Variants in RORA observed in about 807,000 individuals in gnomAD.
The protein encoded by RORA is RAR related orphan receptor A, also known as nuclear receptor ROR-alpha.
RORA carries 7 observed loss-of-function variants against 69.5 expected under a neutral mutation model. The ratio of observed to expected loss-of-function variants is 0.10; its 90% CI spans 0.06 to 0.19. RORA has a LOEUF of 0.19. Among genes scored for constraint, RORA ranks in the 10% least tolerant of loss-of-function variants. The probability of loss-of-function intolerance (pLI) is 1.00; values close to 1 mark genes in which losing one functional copy is unlikely to be tolerated. For missense variants in RORA, 457 were observed against 663.0 expected, an observed-to-expected ratio of 0.69 and a Z score of 3.41; for synonymous variants, 261 against 240.8, an observed-to-expected ratio of 1.08 and a Z score of -0.78.
At chr15:60,580,939 A>C (rs2068174527) in intron 2 of RORA, among the ~76,000 whole-genome samples, 1 of 152,190 alleles carries the variant, frequency 6.6e-6, no homozygotes, top group African/African-American at 2.4e-5. Flanking sequence ...CAATCCTTAA[A>C]TACATGTTTT....
chr15:60,940,837 G>C (rs964903154), intron 1 of RORA, among the ~76,000 whole-genome samples: 34 of 152,284 alleles, frequency 2.2e-4, no homozygotes, highest in African/African-American at 7.2e-4. Flanking sequence ...TGAGGCAGGG[G>C]AATTGTTTGA....
At chr15:61,101,145 T>A (rs1334506319) in intron 1 of RORA, among the ~76,000 whole-genome samples, 1 of 152,224 alleles carries the variant, frequency 6.6e-6, no homozygotes, top group Non-Finnish European at 1.5e-5. Flanking sequence ...CTGTTACAAA[T>A]CACTCATTCA....
intron 2 of RORA, among the ~76,000 whole-genome samples, chr15:60,539,280 T>G (rs558872428): frequency 1.1e-4 from 17 of 152,208 alleles, no homozygotes; most frequent in Non-Finnish European, 1.9e-4. Context: ...GTTCTGACAA[T>G]GGGAACTGAA....
intron 1 of RORA, among the ~76,000 whole-genome samples, chr15:60,998,414 T>G (rs75304365): frequency 6.6e-6 from 1 of 151,290 alleles, no homozygotes; most frequent in South Asian, 2.1e-4. Flanking sequence ...TTTTTTTTTT[T>G]TGAGACAGAG....
chr15:61,025,024 G>A (rs1050527146), intron 1 of RORA, among the ~76,000 whole-genome samples: 2 of 152,128 alleles, frequency 1.3e-5, no homozygotes, highest in Non-Finnish European at 2.9e-5. Context: ...AGGCAAAAGT[G>A]CCCCAAGGTT....
At chr15:60,667,336 C>A (rs2070395479) in intron 2 of RORA, among the ~76,000 whole-genome samples, 1 of 152,220 alleles carries the variant, frequency 6.6e-6, no homozygotes, top group Non-Finnish European at 1.5e-5. Flanking sequence ...CTGTCACTAA[C>A]AACTTTATAT....
chr15:60,564,244 C>G (rs979255446), intron 2 of RORA, among the ~76,000 whole-genome samples: 7 of 152,132 alleles, frequency 4.6e-5, no homozygotes, highest in Non-Finnish European at 2.9e-5. Context: ...GAATGGTTAT[C>G]CCCATTATGG....
In RORA at chr15:61,152,549, T is replaced by C. The variant is rs185598818; in HGVS notation, c.166+76504A>G. Among the ~76,000 whole-genome samples the C allele has an allele frequency of 2.5e-3, 386 of 151,908 alleles. 2 individuals carry two copies. The highest frequency in any genetic ancestry group is 8.9e-3 in the African/African-American group (369 of 41,492). ...TATAGTTCAAATCTAGAAAAAATAT[T>C]CTATTGTGTTTCACTTATTCATTCA... On this transcript the variant is annotated intron_variant, in intron 1 of 10. Coordinates refer to ENST00000335670, the MANE Select transcript of RORA (RefSeq NM_134261.3).
At chr15:60,876,691 C>G (rs561031297) in intron 1 of RORA, among the ~76,000 whole-genome samples, 1 of 152,030 alleles carries the variant, frequency 6.6e-6, no homozygotes, top group Non-Finnish European at 1.5e-5. Flanking sequence ...GAAACTTCAT[C>G]TAGTGTTTAT....
chr15:60,677,528 G>A (rs1259163089), intron 2 of RORA, among the ~76,000 whole-genome samples: 4 of 151,974 alleles, frequency 2.6e-5, no homozygotes, highest in Non-Finnish European at 5.9e-5. Flanking sequence ...TGCAGGACAG[G>A]GCCCTCAGAG....
At chr15:60,671,876 T>A (rs2070479202) in intron 2 of RORA, among the ~76,000 whole-genome samples, 1 of 151,874 alleles carries the variant, frequency 6.6e-6, no homozygotes, top group Admixed American at 6.6e-5. Flanking sequence ...CCTCCCAAAG[T>A]GCTGGGATTA....
intron 1 of RORA, among the ~76,000 whole-genome samples, chr15:61,110,040 G>A (rs2078988866): frequency 8.9e-6 from 1 of 111,986 alleles, no homozygotes; most frequent in Admixed American, 8.7e-5. Flanking sequence ...ATGGCAATGA[G>A]TTAATCACAC....
intron 1 of RORA, among the ~76,000 whole-genome samples, chr15:60,902,735 T>TA (rs983306648): frequency 6.6e-6 from 1 of 152,192 alleles, no homozygotes; most frequent in Admixed American, 6.5e-5. Context: ...ATTTCTGTGT[T>TA]AAAAATACTC....
At chr15:60,694,915 T>C (rs955709017) in intron 1 of RORA, among the ~76,000 whole-genome samples, 1 of 152,244 alleles carries the variant, frequency 6.6e-6, no homozygotes, top group South Asian at 2.1e-4. Context: ...ACCTCATTAA[T>C]GGACAACGTA....
chr15:60,560,160 A>T (rs1241666466), intron 2 of RORA, among the ~76,000 whole-genome samples: 1 of 152,102 alleles, frequency 6.6e-6, no homozygotes, highest in Non-Finnish European at 1.5e-5. Context: ...AGAACATTTG[A>T]CTCCCTTCTT....
chr15:60,828,407 A>C lies in RORA; in HGVS notation c.167-149721T>G, dbSNP rs572960315. 1.7e-4 allele frequency among the ~76,000 whole-genome samples: 26 copies of C among 152,336 alleles called. No individual in the cohort carries two copies. The South Asian group carries it at 4.3e-3, about 25-fold the overall frequency. On this transcript the variant is annotated intron_variant, in intron 1 of 10. Coordinates refer to ENST00000335670, the MANE Select transcript of RORA (RefSeq NM_134261.3). ...GCTCCAGAAGGAAAGAGAATCTATG[A>C]GGAGGACAAGGGAAGGGAAGGGGAA...
At chr15:60,915,443 TCTC>T (rs1891843516) in intron 1 of RORA, among the ~76,000 whole-genome samples, 1 of 152,052 alleles carries the variant, frequency 6.6e-6, no homozygotes, top group Admixed American at 6.5e-5. Context: ...GCACATCACT[TCTC>T]CTCTCTGGAC....
chr15:60,645,998 G>T (rs1017760974), intron 2 of RORA, among the ~76,000 whole-genome samples: 1 of 152,074 alleles, frequency 6.6e-6, no homozygotes, highest in Non-Finnish European at 1.5e-5. Flanking sequence ...ACAACTTCGG[G>T]GCCTCGCCCG....
At chr15:60,605,428 A>G (rs1231260862) in intron 2 of RORA, among the ~76,000 whole-genome samples, 1 of 152,210 alleles carries the variant, frequency 6.6e-6, no homozygotes, top group Non-Finnish European at 1.5e-5. Context: ...ATAAAAACCA[A>G]TAATTTTAAT....
Sources: gnomAD v4.1 joint callset for allele counts (sites outside exome capture counted in the v4.1 genomes callset) on GRCh38, gnomAD v4.1.1 for gene constraint, MANE v1.5 for transcripts, NCBI Gene and HGNC (gene_info 2026-07-23, HGNC 2026-07-21) for gene names.